Variants in SOX6 observed in about 807,000 individuals in gnomAD.
The protein encoded by SOX6 is transcription factor SOX-6.
Under a neutral mutation model 97.8 loss-of-function variants are expected in SOX6, and 11 were observed. That is an observed-to-expected ratio of 0.11 (90% CI 0.07 to 0.19). The LOEUF is 0.19. Among genes scored for constraint, SOX6 ranks in the 10% least tolerant of loss-of-function variants. The pLI is 1.00. For synonymous variants in SOX6, 360 were observed against 371.4 expected (o/e 0.97, Z 0.35); for missense variants, 810 against 1,039.5 (o/e 0.78, Z 3.04).
chr11:16,474,088 C>T (rs1282676278), intron 1 of SOX6, among the ~76,000 whole-genome samples: 1 of 152,184 alleles, frequency 6.6e-6, no homozygotes, highest in Non-Finnish European at 1.5e-5. Context: ...TCCTCATCTT[C>T]TCAAGTTGTA....
intron 14 of SOX6, among the ~76,000 whole-genome samples, chr11:15,987,952 G>A (rs567114897): frequency 9.2e-5 from 14 of 152,052 alleles, no homozygotes; most frequent in Non-Finnish European, 1.9e-4. Flanking sequence ...AGAGGTCACT[G>A]CCTCAAAATG....
chr11:16,466,006 T>C (rs1335973648), intron 1 of SOX6, among the ~76,000 whole-genome samples: 1 of 152,232 alleles, frequency 6.6e-6, no homozygotes, highest in Non-Finnish European at 1.5e-5. Context: ...TTACATCACA[T>C]GAACAAACTT....
intron 1 of SOX6, among the ~76,000 whole-genome samples, chr11:16,475,753 T>G (rs888049465): frequency 6.6e-6 from 1 of 152,278 alleles, no homozygotes; most frequent in South Asian, 2.1e-4. Flanking sequence ...ATGGTGCCGA[T>G]AGACTTGCCC....
intron 4 of SOX6, among the ~76,000 whole-genome samples, chr11:16,510,638 A>G (rs908608609): frequency 6.6e-6 from 1 of 152,202 alleles, no homozygotes; most frequent in East Asian, 1.9e-4. Flanking sequence ...GTCTATTTTT[A>G]AAATAATCCA....
rs980254023 is a variant in SOX6 at position 16,501,332 on chromosome 11, T to C, written n.610-24944A>G. ...ATTCAAGATGGATTAAAGACTTAAA[T>C]GTTAGACCTAAAACCATAAAAACCC... On this transcript the variant is annotated intron_variant and non_coding_transcript_variant, in intron 4 of 5. Transcript: ENST00000524520. 3.3e-3 allele frequency among the ~76,000 whole-genome samples: 507 copies of C among 152,230 alleles called. 5 individuals carry two copies. Among genetic ancestry groups the C allele is most frequent in the African/African-American group, 0.012 (486 of 41,544 alleles).
intron 3 of SOX6, among the ~76,000 whole-genome samples, chr11:16,260,567 G>T (rs956838122): frequency 3.9e-5 from 6 of 152,030 alleles, no homozygotes; most frequent in African/African-American, 1.4e-4. Context: ...GAAATTATAA[G>T]ATCTCAAGGT....
At chr11:16,695,671 C>T (rs1362757479) in intron 3 of SOX6, among the ~76,000 whole-genome samples, 1 of 152,086 alleles carries the variant, frequency 6.6e-6, no homozygotes, top group Non-Finnish European at 1.5e-5. Context: ...GGAAACACTG[C>T]AGTCTTTGTT....
chr11:16,157,109 T>C (rs1343172629), intron 6 of SOX6, among the ~76,000 whole-genome samples: 1 of 152,026 alleles, frequency 6.6e-6, no homozygotes, highest in Admixed American at 6.6e-5. Flanking sequence ...GGAGTTTGCT[T>C]AAATTTCTTC....
intron 3 of SOX6, among the ~76,000 whole-genome samples, chr11:16,285,318 A>T (rs1239080930): frequency 6.6e-6 from 1 of 152,118 alleles, no homozygotes; most frequent in African/African-American, 2.4e-5. Flanking sequence ...GGATCATCTG[A>T]GGTCAGGAGT....
At chr11:16,319,378 T>C (rs1195352959) in intron 2 of SOX6, among the ~76,000 whole-genome samples, 1 of 152,194 alleles carries the variant, frequency 6.6e-6, no homozygotes, top group African/African-American at 2.4e-5. Context: ...GTTATTATTA[T>C]TATACTTTAA....
chr11:16,186,717 T>C lies in SOX6; in HGVS notation c.708+66A>G, dbSNP rs147762543. 2.1e-5 allele frequency: 32 copies of C among 1,542,350 alleles called. No homozygotes were observed. The Admixed American group carries it at 3.8e-4, about 19-fold the overall frequency. On this transcript the variant is annotated intron_variant, in intron 5 of 15. Transcript: ENST00000683767. ...GCTTACAACAAATAAGCCAATCAAT[T>C]TGATTACTCTCTGAGCCTGGCACAT...
rs117773492 is a variant in SOX6 at position 16,191,188 on chromosome 11, C to T, written c.536-4233G>A. ...ATAGTATATTGGCCAGGCACAGAGG[C>T]TCATGCCTGTAATCCCAACACTTTG... On this transcript the variant is annotated intron_variant, in intron 4 of 15. Coordinates refer to ENST00000683767, the MANE Select transcript of SOX6 (RefSeq NM_001367873.1). Among the ~76,000 whole-genome samples, 904 of 152,278 alleles carry T rather than the reference C, an allele frequency of 5.9e-3. 14 individuals are homozygous for T. The highest frequency in any genetic ancestry group is 0.033 in the East Asian group (172 of 5,182).
intron 4 of SOX6, among the ~76,000 whole-genome samples, chr11:16,594,914 A>C: frequency 6.6e-6 from 1 of 151,754 alleles, no homozygotes; most frequent in East Asian, 1.9e-4. Context: ...GATGGTCTCA[A>C]TCTCATGACC....
chr11:16,482,207 C>A (rs765257617), intron 4 of SOX6, among the ~76,000 whole-genome samples: 16 of 152,132 alleles, frequency 1.1e-4, no homozygotes, highest in Admixed American at 2.6e-4. Flanking sequence ...GACAAGTAAT[C>A]ATTTCTCAAA....
intron 6 of SOX6, among the ~76,000 whole-genome samples, chr11:16,132,979 G>C (rs1849859427): frequency 6.6e-6 from 1 of 152,088 alleles, no homozygotes; most frequent in Non-Finnish European, 1.5e-5. Flanking sequence ...TTCAGAGACA[G>C]TTGTGATATG....
At chr11:16,676,084 T>G (rs1847882310) in intron 3 of SOX6, among the ~76,000 whole-genome samples, 1 of 152,204 alleles carries the variant, frequency 6.6e-6, no homozygotes, top group Non-Finnish European at 1.5e-5. Context: ...TCTGAGGCTC[T>G]GCTCATTTTC....
At chr11:16,615,317 C>G (rs1848458151) in intron 3 of SOX6, among the ~76,000 whole-genome samples, 1 of 152,176 alleles carries the variant, frequency 6.6e-6, no homozygotes, top group African/African-American at 2.4e-5. Flanking sequence ...GTCCTGAGAG[C>G]CTTAACTCAG....
At chr11:16,392,133 G>A (rs529788972) in intron 1 of SOX6, among the ~76,000 whole-genome samples, 1 of 152,166 alleles carries the variant, frequency 6.6e-6, no homozygotes, top group Admixed American at 6.6e-5. Context: ...CTGTTACCCT[G>A]ACACGAAATA....
At chr11:16,064,942 T>C (rs1271915108) in intron 9 of SOX6, among the ~76,000 whole-genome samples, 2 of 151,946 alleles carry the variant, frequency 1.3e-5, no homozygotes, top group Non-Finnish European at 2.9e-5. Context: ...AAGCCTTTCC[T>C]CTAAGATCTG....
Sources: allele counts gnomAD v4.1 joint callset (sites outside exome capture counted in the v4.1 genomes callset), GRCh38; gene constraint gnomAD v4.1.1; transcripts MANE v1.5; gene names NCBI Gene and HGNC (gene_info 2026-07-23, HGNC 2026-07-21).